CNTNAP2: variants seen among roughly 807,000 people sequenced by gnomAD.
CNTNAP2 encodes contactin-associated protein-like 2.
A neutral mutation model predicts 155.2 loss-of-function variants in CNTNAP2; 98 were observed. That is an observed-to-expected ratio of 0.63 (90% CI 0.54 to 0.75). The LOEUF (loss-of-function observed/expected upper bound fraction) is 0.75. CNTNAP2 is among the 30% of genes least tolerant of loss of function. The pLI is 0.00. For synonymous variants in CNTNAP2, 651 were observed against 631.2 expected (o/e 1.03, Z -0.47); for missense variants, 1,727 against 1,688.1 (o/e 1.02, Z -0.40).
At chr7:147,370,375 C>T (rs1385825918) in intron 9 of CNTNAP2, among the ~76,000 whole-genome samples, 1 of 152,164 alleles carries the variant, frequency 6.6e-6, no homozygotes, top group Non-Finnish European at 1.5e-5. Flanking sequence ...TCTCTGAGCA[C>T]CCTTTGCACA....
At chr7:146,952,222 T>G (rs1797330173) in intron 3 of CNTNAP2, among the ~76,000 whole-genome samples, 1 of 152,116 alleles carries the variant, frequency 6.6e-6, no homozygotes. Context: ...TCGATAAAAT[T>G]TAACACCTCT....
At chr7:148,275,610 T>C (rs1429209139) in intron 21 of CNTNAP2, among the ~76,000 whole-genome samples, 2 of 152,210 alleles carry the variant, frequency 1.3e-5, no homozygotes, top group African/African-American at 4.8e-5. Context: ...AATAGCCTCA[T>C]TCATGTGGCT....
At chr7:147,024,800 G>T (rs527277522) in intron 3 of CNTNAP2, among the ~76,000 whole-genome samples, 1 of 152,112 alleles carries the variant, frequency 6.6e-6, no homozygotes, top group South Asian at 2.1e-4. Flanking sequence ...CATGGTGCTA[G>T]CATCTGCTCA....
intron 3 of CNTNAP2, among the ~76,000 whole-genome samples, chr7:146,931,845 GATACATTCC>G (rs1434203926): frequency 6.6e-6 from 1 of 152,080 alleles, no homozygotes; most frequent in East Asian, 1.9e-4. Context: ...AGAAGAAATG[GATACATTCC>G]TTGACACATA....
In CNTNAP2 at chr7:148,118,232, G is replaced by A; in HGVS notation, c.2498G>A (p.Trp833Ter). The part of the protein sequence containing the change: ...ISFYFKTLTP[W>*]GVFLENMGKE... ...TTCTACTTCAAAACATTAACCCCCT[G>A]GGGAGTGTTTCTTGAAAATATGGGA... is the stretch of plus-strand genomic sequence containing the variant. Residue 833 changes from tryptophan to a stop codon, truncating the protein, a stop_gained, in exon 16 of 24, where the codon TGG becomes TAG. Coordinates refer to ENST00000361727, the MANE Select transcript of CNTNAP2 (RefSeq NM_014141.6). LOFTEE classifies it high-confidence loss of function. 6.2e-7 allele frequency: 1 copy of A among 1,614,144 alleles called. No homozygotes were observed. The highest frequency in any genetic ancestry group is 8.5e-7 in the Non-Finnish European group (1 of 1,180,016).
chr7:147,359,752 GC>G (rs1467400015), intron 9 of CNTNAP2, among the ~76,000 whole-genome samples: 2 of 151,832 alleles, frequency 1.3e-5, no homozygotes, highest in African/African-American at 4.8e-5. Context: ...TCAAAATATT[GC>G]CCAAATGTCA....
chr7:146,690,449 T>G (rs1395619135), intron 1 of CNTNAP2, among the ~76,000 whole-genome samples: 1 of 152,180 alleles, frequency 6.6e-6, no homozygotes, highest in Non-Finnish European at 1.5e-5. Flanking sequence ...TACAGTTTGC[T>G]CACAGTGGTC....
intron 13 of CNTNAP2, among the ~76,000 whole-genome samples, chr7:147,786,726 G>T (rs543563398): frequency 2.6e-5 from 4 of 152,264 alleles, no homozygotes; most frequent in African/African-American, 9.6e-5. Flanking sequence ...ACAACACTTT[G>T]GGAGGCTGAG....
intron 8 of CNTNAP2, among the ~76,000 whole-genome samples, chr7:147,296,426 C>T (rs1200091354): frequency 6.6e-6 from 1 of 152,134 alleles, no homozygotes; most frequent in Non-Finnish European, 1.5e-5. Flanking sequence ...CAGTTAACTT[C>T]AAGAATAAGC....
At chr7:146,211,804 A>C (rs1202661949) in intron 1 of CNTNAP2, among the ~76,000 whole-genome samples, 2 of 152,108 alleles carry the variant, frequency 1.3e-5, no homozygotes, top group Non-Finnish European at 2.9e-5. Context: ...TTATCAGTAA[A>C]TATTCTAAAA....
chr7:147,392,415 T>A (rs1308369543), intron 9 of CNTNAP2, among the ~76,000 whole-genome samples: 1 of 151,994 alleles, frequency 6.6e-6, no homozygotes, highest in African/African-American at 2.4e-5. Context: ...GCTACATGAG[T>A]AAGTTCTTTC....
At chr7:146,862,442 AAAAG>A (rs770461615) in intron 3 of CNTNAP2, among the ~76,000 whole-genome samples, 1 of 152,288 alleles carries the variant, frequency 6.6e-6, no homozygotes, top group South Asian at 2.1e-4. Flanking sequence ...TAAAAAAAGA[AAAAG>A]AAAGAGACTC....
intron 11 of CNTNAP2, among the ~76,000 whole-genome samples, chr7:147,542,933 A>G (rs1365473679): frequency 1.3e-5 from 2 of 152,202 alleles, no homozygotes; most frequent in African/African-American, 4.8e-5. Flanking sequence ...CAAGCTCCAG[A>G]AAACCTAGAT....
At chr7:147,069,732 A>G (rs1799853334) in intron 4 of CNTNAP2, among the ~76,000 whole-genome samples, 2 of 152,194 alleles carry the variant, frequency 1.3e-5, no homozygotes. Context: ...CTTACTTACT[A>G]TCATTCTCTG....
At chr7:146,684,199 G>A (rs955120775) in intron 1 of CNTNAP2, among the ~76,000 whole-genome samples, 1 of 152,132 alleles carries the variant, frequency 6.6e-6, no homozygotes, top group Non-Finnish European at 1.5e-5. Context: ...TTGATTCCCA[G>A]AAGTGGAGAT....
At position 146,404,124 on chromosome 7, in the gene CNTNAP2, C is replaced by CAAAAAAAAAA. The variant is rs1163559597; in HGVS notation, c.97+287160_97+287169dup. Reference sequence around the variant, plus strand: ...TGGGCGACAGAGCGAGACTCCGTCTCAAAAAAAAAAAAAAAAAACAAAGAA... The same window carrying CAAAAAAAAAA: ...TGGGCGACAGAGCGAGACTCCGTCTCAAAAAAAAAAAAAAAAAAAAAAAAAAAACAAAGAA... On this transcript the variant is annotated intron_variant, in intron 1 of 23. Coordinates refer to ENST00000361727, the MANE Select transcript of CNTNAP2 (RefSeq NM_014141.6). 5.9e-4 allele frequency among the ~76,000 whole-genome samples: 43 copies of CAAAAAAAAAA among 72,738 alleles called. 1 individual carries two copies. Among genetic ancestry groups the CAAAAAAAAAA allele is most frequent in the African/African-American group, 2.5e-3 (38 of 15,110 alleles). The allele number at this position is 72,738 out of a possible 152,430, so 47.7% of individuals were successfully genotyped here.
chr7:146,630,811 G>C (rs1039229714), intron 1 of CNTNAP2, among the ~76,000 whole-genome samples: 1 of 151,976 alleles, frequency 6.6e-6, no homozygotes, highest in African/African-American at 2.4e-5. Flanking sequence ...GATCACAATT[G>C]CTACAAAGAG....
chr7:147,600,692 T>C (rs1800926309), intron 12 of CNTNAP2, among the ~76,000 whole-genome samples: 1 of 152,114 alleles, frequency 6.6e-6, no homozygotes, highest in Admixed American at 6.6e-5. Flanking sequence ...ATAGAGGACA[T>C]TCTGCAGGGT....
At chr7:146,920,546 A>G (rs528305365) in intron 3 of CNTNAP2, among the ~76,000 whole-genome samples, 1 of 152,230 alleles carries the variant, frequency 6.6e-6, no homozygotes, top group Non-Finnish European at 1.5e-5. Context: ...TTGTCAATAT[A>G]TAATTAAAAA....
Sources: gnomAD v4.1 joint callset for allele counts (sites outside exome capture counted in the v4.1 genomes callset) on GRCh38, gnomAD v4.1.1 for gene constraint, MANE v1.5 for transcripts, NCBI Gene and HGNC (gene_info 2026-07-23, HGNC 2026-07-21) for gene names.